Variants in EVL observed in about 807,000 individuals in gnomAD.
The protein encoded by EVL is ena/VASP-like protein.
Under a neutral mutation model 59.6 loss-of-function variants are expected in EVL, and 21 were observed. The observed-to-expected ratio is 0.35, with a 90% confidence interval of 0.25 to 0.51. EVL has a LOEUF of 0.51. Among genes scored for constraint, EVL ranks in the 20% least tolerant of loss-of-function variants. EVL has a pLI of 0.97. For synonymous variants in EVL, 198 were observed against 203.5 expected, an observed-to-expected ratio of 0.97 and a Z score of 0.23; for missense variants, 462 against 546.6, an observed-to-expected ratio of 0.85 and a Z score of 1.54.
upstream of EVL, among the ~76,000 whole-genome samples, chr14:100,062,139 A>G (rs1259119742): frequency 6.6e-6 from 1 of 151,950 alleles, no homozygotes; most frequent in Non-Finnish European, 1.5e-5. Context: ...CCACATCTCA[A>G]AAAAAGAAAT....
At chr14:100,008,965 G>C (rs1228660660) in intron 1 of EVL, among the ~76,000 whole-genome samples, 2 of 152,158 alleles carry the variant, frequency 1.3e-5, no homozygotes, top group East Asian at 3.8e-4. Flanking sequence ...ATCAGAAATA[G>C]AGAAGTCCTG....
intron 1 of EVL, among the ~76,000 whole-genome samples, chr14:100,055,615 G>A (rs1371266213): frequency 6.6e-6 from 1 of 152,160 alleles, no homozygotes; most frequent in Non-Finnish European, 1.5e-5. Context: ...GCATTCTGAA[G>A]ATAATATCTC....
intron 1 of EVL, among the ~76,000 whole-genome samples, chr14:100,043,071 G>C (rs913231383): frequency 3.9e-5 from 6 of 151,992 alleles, no homozygotes; most frequent in Non-Finnish European, 8.8e-5. Flanking sequence ...AACCTTTGTG[G>C]GTAGGTTCAC....
upstream of EVL, among the ~76,000 whole-genome samples, chr14:100,064,853 T>G (rs946706466): frequency 6.6e-6 from 1 of 152,172 alleles, no homozygotes; most frequent in Non-Finnish European, 1.5e-5. Flanking sequence ...GTGGTGGCGG[T>G]GAGCCAAGAT....
chr14:100,084,958 C>T, intron 2 of EVL, 103 bp downstream of exon 2: 1 of 1,306,306 alleles, frequency 7.7e-7, no homozygotes, highest in East Asian at 2.4e-5. Flanking sequence ...ACAAAAAGGT[C>T]AATATTCGGA....
At chr14:100,016,942 G>A (rs1331235833) in intron 1 of EVL, among the ~76,000 whole-genome samples, 1 of 152,194 alleles carries the variant, frequency 6.6e-6, no homozygotes, top group East Asian at 1.9e-4. Context: ...GTGTCCTACC[G>A]CCTCTGCAGG....
chr14:99,975,043 T>C (rs1171620102), intron 1 of EVL: 1 of 152,346 alleles, frequency 6.6e-6, no homozygotes, highest in Non-Finnish European at 1.5e-5. Flanking sequence ...GGCCTTGGCC[T>C]TGCCACCACC....
chr14:100,067,842 G>A (rs2061966002), intron 1 of EVL, among the ~76,000 whole-genome samples: 1 of 152,214 alleles, frequency 6.6e-6, no homozygotes, highest in Admixed American at 6.5e-5. Context: ...GCAGCACAGA[G>A]AGTAATAAGC....
intron 3 of EVL, among the ~76,000 whole-genome samples, chr14:100,119,384 G>A (rs967007000): frequency 6.6e-6 from 1 of 152,132 alleles, no homozygotes; most frequent in Admixed American, 6.5e-5. Context: ...AACAAGCTTG[G>A]GACACTGGGG....
At chr14:100,029,989 T>A (rs922148075) in intron 1 of EVL, among the ~76,000 whole-genome samples, 1 of 152,200 alleles carries the variant, frequency 6.6e-6, no homozygotes, top group Non-Finnish European at 1.5e-5. Flanking sequence ...ACTTTTCTTA[T>A]CACCTTGAGC....
chr14:100,065,171 CCACCCTTG>C, upstream of EVL: 1 of 173,326 alleles, frequency 5.8e-6, no homozygotes, highest in African/African-American at 2.4e-5. Context: ...CAGGCTTCAC[CCACCCTTG>C]CACCCTTGCA....
chr14:100,001,619 C>CA (rs1174431243), intron 1 of EVL, among the ~76,000 whole-genome samples: 2 of 152,168 alleles, frequency 1.3e-5, no homozygotes, highest in African/African-American at 2.4e-5. Flanking sequence ...TTTTAAAAGA[C>CA]AAGCCCAGCC....
chr14:100,132,586 C>A, intron 7 of EVL, 133 bp from the exon 8 acceptor site: 1 of 1,032,162 alleles, frequency 9.7e-7, no homozygotes, highest in Non-Finnish European at 1.5e-6. Flanking sequence ...AAGCCGCCTC[C>A]TTCACGCCAT....
chr14:100,043,815 T>C (rs984762662), intron 1 of EVL, among the ~76,000 whole-genome samples: 5 of 151,980 alleles, frequency 3.3e-5, no homozygotes, highest in African/African-American at 1.2e-4. Context: ...AGTCTTGCTG[T>C]GTTGCCCATA....
intron 1 of EVL, among the ~76,000 whole-genome samples, chr14:99,996,299 C>A (rs551514151): frequency 1.3e-5 from 2 of 152,212 alleles, no homozygotes; most frequent in South Asian, 4.1e-4. Context: ...TTCTGGATTT[C>A]TCACAGAGGC....
chr14:100,069,494 G>T (rs2062004757), intron 1 of EVL, among the ~76,000 whole-genome samples: 1 of 152,158 alleles, frequency 6.6e-6, no homozygotes, highest in Non-Finnish European at 1.5e-5. Context: ...GGTATTTCCA[G>T]TCCTCACGGG....
chr14:100,070,082 A>C (rs1290983172), intron 1 of EVL, among the ~76,000 whole-genome samples: 1 of 151,546 alleles, frequency 6.6e-6, no homozygotes, highest in Non-Finnish European at 1.5e-5. Flanking sequence ...AAAAAAAAGA[A>C]AGAAAGAAAA....
Position 100,012,544 on chromosome 14 carries a change from G to A in EVL, c.5+40487G>A, listed in dbSNP as rs142439555. Among the ~76,000 whole-genome samples the A allele has an allele frequency of 2.3e-3, 355 of 152,290 alleles. 1 individual carries two copies. The highest frequency in any genetic ancestry group is 3.4e-3 in the Middle Eastern group (1 of 294). ...TAATCTGCCCTATTATTTGATGTTT[G>A]TACTGGAAAGAGGACTGCTGACTTA... On this transcript the variant is annotated intron_variant, in intron 1 of 13. Transcript: ENST00000402714.
chr14:100,138,020 G>T, intron 11 of EVL: 1 of 603,858 alleles, frequency 1.7e-6, no homozygotes, highest in Non-Finnish European at 2.9e-6. Flanking sequence ...AAGGAGGGCA[G>T]TGACCTGTCC....
Sources: allele counts gnomAD v4.1 joint callset (sites outside exome capture counted in the v4.1 genomes callset), GRCh38; gene constraint gnomAD v4.1.1; transcripts MANE v1.5; gene names NCBI Gene and HGNC (gene_info 2026-07-23, HGNC 2026-07-21).